The following ATRN variants were observed in gnomAD, a reference collection of about 807,000 sequenced individuals.
ATRN encodes the protein attractin.
ATRN carries 54 observed loss-of-function variants against 178.7 expected under a neutral mutation model. That is an observed-to-expected ratio of 0.30 (90% confidence interval 0.24 to 0.38). ATRN has a LOEUF of 0.38. ATRN is among the 10% of genes least tolerant of loss of function. ATRN has a pLI of 1.00. For missense variants in ATRN, 1,443 were observed against 1,815.1 expected (o/e 0.79, Z 3.73); for synonymous variants, 636 against 663.0 (o/e 0.96, Z 0.63).
intron 27 of ATRN, among the ~76,000 whole-genome samples, chr20:3,641,865 C>A (rs1256222055): frequency 6.6e-6 from 1 of 152,058 alleles, no homozygotes; most frequent in Admixed American, 6.5e-5. Context: ...AGGAAAATTA[C>A]CCCCAGGAGG....
At position 3,577,009 on chromosome 20, in the gene ATRN, A is replaced by G. The variant is rs926930376; in HGVS notation, c.2353+12A>G. 1.9e-6 allele frequency: 3 copies of G among 1,613,380 alleles called. No homozygotes were observed. Among genetic ancestry groups the G allele is most frequent in the African/African-American group, 1.3e-5 (1 of 74,882 alleles). On this transcript the variant is annotated intron_variant, in intron 14 of 28. Coordinates refer to ENST00000262919, the MANE Select transcript of ATRN (RefSeq NM_139321.3). ...CATTGCCCTGCCCGGTAGGCCTTGC[A>G]GGGTCATCTTGGTGTGTGTGGGTCC...
chr20:3,494,507 A>G (rs1466984347), intron 1 of ATRN, among the ~76,000 whole-genome samples: 2 of 152,122 alleles, frequency 1.3e-5, no homozygotes. Context: ...CTAGACTAGG[A>G]GGAGGAGAAT....
At chr20:3,628,959 C>T in intron 25 of ATRN, 1 of 985,388 alleles carries the variant, frequency 1.0e-6, no homozygotes, top group Non-Finnish European at 1.2e-6. Flanking sequence ...CCTTCCCCAT[C>T]TGCAGCACGA....
At chr20:3,549,089 T>C in intron 5 of ATRN, 81 bp from the exon 6 acceptor site, 1 of 1,121,526 alleles carries the variant, frequency 8.9e-7, no homozygotes, top group South Asian at 1.6e-5. Flanking sequence ...AAATATTTGT[T>C]ACATTTAGAT....
chr20:3,490,348 A>G (rs1012077194), intron 1 of ATRN: 6 of 1,004,144 alleles, frequency 6.0e-6, no homozygotes, highest in Middle Eastern at 2.9e-4. Context: ...CAGGAAGGTC[A>G]CATTCTCCCA....
At position 3,542,785 on chromosome 20, in the gene ATRN, C is replaced by T. The variant is rs927772811; in HGVS notation, c.608+2450C>T. ...GGGACCACAAAAATGCAACACTATGCCCAGCTAATTTTTGTATTTTTTTTT... is the reference window on the plus strand; with the variant it reads ...GGGACCACAAAAATGCAACACTATGTCCAGCTAATTTTTGTATTTTTTTTT... On this transcript the variant is annotated intron_variant, in intron 3 of 28. Transcript: ENST00000262919. Among the ~76,000 whole-genome samples the T allele has an allele frequency of 6.6e-5, 10 of 151,086 alleles. No homozygotes were observed. The South Asian group carries it at 1.0e-3, about 16-fold the overall frequency.
chr20:3,582,540 T>C (rs576429044), intron 16 of ATRN, among the ~76,000 whole-genome samples, 186 bp downstream of exon 16: 1 of 152,236 alleles, frequency 6.6e-6, no homozygotes, highest in African/African-American at 2.4e-5. Flanking sequence ...CCCTGAATAG[T>C]TTTAATTATA....
intron 1 of ATRN, among the ~76,000 whole-genome samples, chr20:3,521,223 C>T (rs1284874231): frequency 4.6e-5 from 7 of 151,942 alleles, no homozygotes; most frequent in African/African-American, 1.2e-4. Flanking sequence ...AAGGTGTATG[C>T]AAAGTATTAG....
intron 1 of ATRN, among the ~76,000 whole-genome samples, chr20:3,485,034 C>T (rs1056074287): frequency 2.0e-5 from 3 of 151,786 alleles, no homozygotes; most frequent in African/African-American, 7.3e-5. Context: ...CTGTCTGGAT[C>T]TAGGCAGGAG....
In ATRN at chr20:3,638,830, A is replaced by ACTT. The variant is rs757844507; in HGVS notation, c.3950_3952dup (p.Leu1317dup). 1 of 1,614,080 alleles carries ACTT rather than the reference A, an allele frequency of 6.2e-7. No individual in the cohort carries two copies. The highest frequency in any genetic ancestry group is 8.5e-7 in the Non-Finnish European group (1 of 1,179,964). ...GGCTTTGCCATATTATTTATCAGCA[A>ACTT]CTTCTTCGAGAGATGCAACAGATGG... On this transcript the variant is annotated inframe_insertion, in exon 27 of 29. Transcript: ENST00000262919. The surrounding 1 kb of genome is among the most constrained non-coding windows in gnomAD (Gnocchi z 4.5).
At chr20:3,635,763 A>G (rs767795896) in intron 26 of ATRN, among the ~76,000 whole-genome samples, 51 of 152,048 alleles carry the variant, frequency 3.4e-4, no homozygotes, top group Admixed American at 9.8e-4. Context: ...ACCTTTTCTG[A>G]CCCACATAAA....
At chr20:3,560,997 A>T in intron 8 of ATRN, 92 bp downstream of exon 8, 1 of 1,448,590 alleles carries the variant, frequency 6.9e-7, no homozygotes, top group Non-Finnish European at 9.5e-7. Flanking sequence ...GTTCAACCTA[A>T]TCTTGATTCG....
intron 18 of ATRN, among the ~76,000 whole-genome samples, chr20:3,589,889 G>A (rs1191437117): frequency 2.0e-5 from 3 of 152,178 alleles, no homozygotes; most frequent in Non-Finnish European, 4.4e-5. Context: ...AGCCTTGGGT[G>A]GTAGGGCCAC....
chr20:3,481,154 T>G (rs2084614696), intron 1 of ATRN, among the ~76,000 whole-genome samples: 1 of 152,152 alleles, frequency 6.6e-6, no homozygotes, highest in African/African-American at 2.4e-5. Flanking sequence ...TACTTCAAAC[T>G]GCTCTGTTAT....
At chr20:3,624,854 T>C (rs1290441704) in intron 25 of ATRN, among the ~76,000 whole-genome samples, 1 of 152,082 alleles carries the variant, frequency 6.6e-6, no homozygotes, top group Non-Finnish European at 1.5e-5. Flanking sequence ...ATAATTTGGC[T>C]CTTCATATGG....
intron 18 of ATRN, among the ~76,000 whole-genome samples, chr20:3,589,127 C>G (rs543121900): frequency 6.6e-6 from 1 of 151,684 alleles, no homozygotes; most frequent in East Asian, 1.9e-4. Context: ...GGACTACAGG[C>G]GCACGCCACC....
At chr20:3,479,824 C>T (rs1279019666) in intron 1 of ATRN, among the ~76,000 whole-genome samples, 1 of 152,166 alleles carries the variant, frequency 6.6e-6, no homozygotes, top group Non-Finnish European at 1.5e-5. Flanking sequence ...CAGCCTCTGC[C>T]TCCGTCCCTT....
chr20:3,488,152 G>A (rs1294746722), intron 1 of ATRN, among the ~76,000 whole-genome samples: 2 of 152,098 alleles, frequency 1.3e-5, no homozygotes, highest in African/African-American at 4.8e-5. Context: ...TTTTTTTCAG[G>A]TTCAGCTGGC....
At chr20:3,613,039 C>G (rs1263055099) in intron 24 of ATRN, among the ~76,000 whole-genome samples, 1 of 152,138 alleles carries the variant, frequency 6.6e-6, no homozygotes, top group Non-Finnish European at 1.5e-5. Context: ...ACACTTACTT[C>G]TAAGAAGTAA....
Sources: gnomAD v4.1 joint callset for allele counts (sites outside exome capture counted in the v4.1 genomes callset) on GRCh38, gnomAD v4.1.1 for gene constraint, Gnocchi (gnomAD v3.1) non-coding constraint, MANE v1.5 for transcripts, NCBI Gene and HGNC (gene_info 2026-07-23, HGNC 2026-07-21) for gene names.